Variants in FAM174B observed in about 807,000 individuals in gnomAD.
FAM174B encodes membrane protein FAM174B.
FAM174B carries 12 observed loss-of-function variants against 10.9 expected under a neutral mutation model. That is an observed-to-expected ratio of 1.10 (90% CI 0.71 to 1.79). The LOEUF is 1.79. FAM174B is among the 40% of genes most tolerant of loss of function. The pLI is 0.00. For synonymous variants in FAM174B, 132 were observed against 115.8 expected (o/e 1.14, Z -0.90); for missense variants, 266 against 233.3 (o/e 1.14, Z -0.91).
intron 1 of FAM174B, among the ~76,000 whole-genome samples, chr15:92,645,152 G>C (rs114466924): frequency 6.6e-6 from 1 of 152,178 alleles, no homozygotes; most frequent in Non-Finnish European, 1.5e-5. Context: ...TGATATGCAC[G>C]TTCCACTAAA....
chr15:92,640,153 T>C (rs1045703567), intron 1 of FAM174B, among the ~76,000 whole-genome samples: 9 of 152,146 alleles, frequency 5.9e-5, no homozygotes, highest in African/African-American at 2.2e-4. Context: ...GACTTAAATG[T>C]AGAAAATAAA....
At chr15:92,642,189 T>C (rs1039402305) in intron 1 of FAM174B, among the ~76,000 whole-genome samples, 2 of 152,142 alleles carry the variant, frequency 1.3e-5, no homozygotes, top group Admixed American at 6.5e-5. Context: ...ATATAAGAAA[T>C]CATAACCCTC....
intron 2 of FAM174B, among the ~76,000 whole-genome samples, chr15:92,620,931 T>C (rs2050715472): frequency 6.6e-6 from 1 of 152,072 alleles, no homozygotes; most frequent in Non-Finnish European, 1.5e-5. Context: ...TGATGTTTGA[T>C]TATGGGCATT....
At chr15:92,640,408 C>T (rs1041471189) in intron 1 of FAM174B, among the ~76,000 whole-genome samples, 4 of 151,506 alleles carry the variant, frequency 2.6e-5, no homozygotes, top group African/African-American at 4.9e-5. Flanking sequence ...AAAAATTAGC[C>T]GGGCATGGTG....
chr15:92,640,267 A>T (rs997704187), intron 1 of FAM174B, among the ~76,000 whole-genome samples: 5 of 152,166 alleles, frequency 3.3e-5, no homozygotes, highest in African/African-American at 1.2e-4. Flanking sequence ...GTCAAGGTAA[A>T]TAGGCGGGGA....
At chr15:92,649,920 G>GT (rs2050954474) in intron 1 of FAM174B, among the ~76,000 whole-genome samples, 1 of 152,056 alleles carries the variant, frequency 6.6e-6, no homozygotes, top group Non-Finnish European at 1.5e-5. Flanking sequence ...CACTTCTATA[G>GT]TTTTTTCCTT....
At chr15:92,622,096 T>C (rs79051934) in intron 2 of FAM174B, among the ~76,000 whole-genome samples, 1 of 152,280 alleles carries the variant, frequency 6.6e-6, no homozygotes, top group East Asian at 1.9e-4. Context: ...TCAACGGAGA[T>C]GCAAACTCTG....
intron 1 of FAM174B, among the ~76,000 whole-genome samples, chr15:92,635,167 ACCC>A (rs2050846655): frequency 0.12 from 823 of 6,612 alleles, 6 homozygotes; most frequent in African/African-American, 0.26. Context: ...CTCCACACAC[ACCC>A]ACACACACAC....
chr15:92,649,963 G>C (rs1411324983), intron 1 of FAM174B, among the ~76,000 whole-genome samples: 1 of 152,204 alleles, frequency 6.6e-6, no homozygotes, highest in Admixed American at 6.5e-5. Flanking sequence ...AATGAGAAAC[G>C]ACCGACTGAT....
chr15:92,621,015 A>G (rs2050715916), intron 2 of FAM174B, among the ~76,000 whole-genome samples: 2 of 152,224 alleles, frequency 1.3e-5, no homozygotes, highest in Admixed American at 1.3e-4. Flanking sequence ...TCATAATATT[A>G]CATAATACCA....
chr15:92,624,008 C>A (rs1251849212), intron 2 of FAM174B, among the ~76,000 whole-genome samples: 1 of 152,086 alleles, frequency 6.6e-6, no homozygotes, highest in African/African-American at 2.4e-5. Context: ...TTCCTGTTCA[C>A]GTAGGCTCCA....
At chr15:92,629,455 C>G (rs1267539093) in intron 2 of FAM174B, among the ~76,000 whole-genome samples, 1 of 152,178 alleles carries the variant, frequency 6.6e-6, no homozygotes, top group African/African-American at 2.4e-5. Flanking sequence ...CGCCACCCAC[C>G]CAGCCACCCA....
intron 1 of FAM174B, among the ~76,000 whole-genome samples, chr15:92,649,287 A>G (rs2050949035): frequency 6.6e-6 from 1 of 152,232 alleles, no homozygotes; most frequent in African/African-American, 2.4e-5. Flanking sequence ...AGGTCTTCAC[A>G]GTCCTGTTAA....
At chr15:92,627,528 T>A (rs2050761061) in intron 2 of FAM174B, 1 of 153,836 alleles carries the variant, frequency 6.5e-6, no homozygotes, top group African/African-American at 2.4e-5. Flanking sequence ...AGGCCCCTTT[T>A]CCCACCTTCT....
At chr15:92,619,508 C>T (rs1285256009) in intron 2 of FAM174B, 49 bp from the exon 3 acceptor site, 4 of 1,600,590 alleles carry the variant, frequency 2.5e-6, no homozygotes, top group South Asian at 2.3e-5. Flanking sequence ...CAGAGCCTCG[C>T]ACCCATTCTG....
intron 2 of FAM174B, chr15:92,627,188 T>G (rs2050758912): frequency 6.6e-6 from 1 of 152,580 alleles, no homozygotes; most frequent in Non-Finnish European, 1.5e-5. Flanking sequence ...AGACCAGGTG[T>G]CTCACTAACT....
In FAM174B at chr15:92,631,410, TA is replaced by T. The variant is rs2050814357; in HGVS notation, c.345-1066del. ...ATATTATATATTATATTATATTATA[TA>T]TAATATATAATATATAATATAATAT... On this transcript the variant is annotated intron_variant, in intron 1 of 2. Transcript: ENST00000327355. Among the ~76,000 whole-genome samples the T allele has an allele frequency of 2.6e-4, 12 of 46,468 alleles. 1 individual carries two copies. The highest frequency in any genetic ancestry group is 1.3e-3 in the South Asian group (3 of 2,248). 30.5% of individuals were successfully genotyped at this position (46,468 alleles called of 152,430 possible). A position where few individuals can be genotyped will look rare whatever the true frequency, so the allele number is the denominator to read the frequency against.
At chr15:92,648,294 G>A (rs2050941807) in intron 1 of FAM174B, among the ~76,000 whole-genome samples, 1 of 152,212 alleles carries the variant, frequency 6.6e-6, no homozygotes, top group Admixed American at 6.5e-5. Flanking sequence ...TATTTGTAGA[G>A]TTTGGGGTTT....
intron 1 of FAM174B, among the ~76,000 whole-genome samples, chr15:92,650,900 C>G (rs1217268186): frequency 2.6e-5 from 4 of 152,296 alleles, no homozygotes; most frequent in East Asian, 3.9e-4. Flanking sequence ...TGTGAAGGTA[C>G]CCAACAAAGG....
Sources: allele counts gnomAD v4.1 joint callset (sites outside exome capture counted in the v4.1 genomes callset), GRCh38; gene constraint gnomAD v4.1.1; transcripts MANE v1.5; gene names NCBI Gene and HGNC (gene_info 2026-07-23, HGNC 2026-07-21).